Variants in RIT2 observed in about 807,000 individuals in gnomAD.
RIT2 encodes the protein GTP-binding protein Rit2.
A neutral mutation model predicts 23.7 loss-of-function variants in RIT2; 24 were observed. The observed-to-expected ratio is 1.01, with a 90% CI of 0.73 to 1.43. The LOEUF (loss-of-function observed/expected upper bound fraction) is 1.43. RIT2 is among the 40% of genes most tolerant of loss of function. RIT2 has a pLI of 0.00. For missense variants in RIT2, 236 were observed against 266.9 expected (o/e 0.88, Z 0.81); for synonymous variants, 107 against 91.1 (o/e 1.17, Z -0.99).
chr18:42,943,668 C>G (rs1909658096), intron 3 of RIT2, among the ~76,000 whole-genome samples: 1 of 151,870 alleles, frequency 6.6e-6, no homozygotes, highest in African/African-American at 2.4e-5. Context: ...ATTTTTTGCC[C>G]AGAAATAGGT....
chr18:42,819,686 A>G (rs1289386951), intron 4 of RIT2, among the ~76,000 whole-genome samples: 2 of 152,152 alleles, frequency 1.3e-5, no homozygotes, highest in Non-Finnish European at 2.9e-5. Flanking sequence ...CTTTACAAAC[A>G]TGTACAACTG....
intron 1 of RIT2, among the ~76,000 whole-genome samples, chr18:43,046,089 G>A (rs1912240520): frequency 6.6e-6 from 1 of 152,136 alleles, no homozygotes; most frequent in Non-Finnish European, 1.5e-5. Context: ...ATGCAAGATA[G>A]GCAGTCCTGA....
chr18:42,949,360 A>G (rs1014212508), intron 3 of RIT2, among the ~76,000 whole-genome samples: 30 of 152,118 alleles, frequency 2.0e-4, no homozygotes, highest in African/African-American at 7.2e-4. Context: ...ATACCATAGT[A>G]AATTATGTGT....
chr18:42,843,367 G>C (rs1208798041), intron 4 of RIT2, among the ~76,000 whole-genome samples: 4 of 152,126 alleles, frequency 2.6e-5, no homozygotes, highest in Non-Finnish European at 1.5e-5. Flanking sequence ...ATTTTCTCCT[G>C]TTTCCCTACT....
chr18:42,835,006 T>C (rs1251776390), intron 4 of RIT2, among the ~76,000 whole-genome samples: 1 of 152,110 alleles, frequency 6.6e-6, no homozygotes, highest in African/African-American at 2.4e-5. Context: ...GTCCTCACAT[T>C]ACCCTTTGAC....
intron 3 of RIT2, among the ~76,000 whole-genome samples, chr18:42,962,266 C>A (rs1481692812): frequency 1.3e-5 from 2 of 152,098 alleles, no homozygotes. Flanking sequence ...ATTAATGGAG[C>A]TTTTCTGTAT....
At chr18:42,825,541 T>C (rs1013819820) in intron 4 of RIT2, among the ~76,000 whole-genome samples, 21 of 151,992 alleles carry the variant, frequency 1.4e-4, no homozygotes, top group African/African-American at 5.1e-4. Flanking sequence ...ATTTGTAGAC[T>C]AAGTATTTTA....
At chr18:42,826,907 C>G (rs1906311205) in intron 4 of RIT2, among the ~76,000 whole-genome samples, 1 of 152,028 alleles carries the variant, frequency 6.6e-6, no homozygotes, top group Non-Finnish European at 1.5e-5. Flanking sequence ...CTAATAATAA[C>G]ATCTGTCTCT....
intron 3 of RIT2, among the ~76,000 whole-genome samples, chr18:42,969,895 A>G (rs1223269321): frequency 1.3e-5 from 2 of 152,056 alleles, no homozygotes; most frequent in Admixed American, 1.3e-4. Flanking sequence ...CTACCATAGT[A>G]TTTATTATAA....
intron 4 of RIT2, among the ~76,000 whole-genome samples, chr18:42,883,243 G>T (rs1907940587): frequency 6.6e-6 from 1 of 152,058 alleles, no homozygotes; most frequent in Non-Finnish European, 1.5e-5. Context: ...CACTACTAAG[G>T]CTAAGTTAGT....
chr18:43,074,135 T>G (rs1333574878), intron 1 of RIT2, among the ~76,000 whole-genome samples: 2 of 152,192 alleles, frequency 1.3e-5, no homozygotes, highest in African/African-American at 2.4e-5. Flanking sequence ...AATAATCTTT[T>G]GCTATTTAGG....
intron 3 of RIT2, among the ~76,000 whole-genome samples, chr18:42,941,681 A>C (rs1231001083): frequency 6.6e-6 from 1 of 152,142 alleles, no homozygotes; most frequent in Non-Finnish European, 1.5e-5. Flanking sequence ...TAATGTATTA[A>C]TATTTGCTTT....
chr18:42,786,258 C>T (rs888841531), intron 4 of RIT2, among the ~76,000 whole-genome samples: 5 of 152,076 alleles, frequency 3.3e-5, no homozygotes, highest in Non-Finnish European at 7.4e-5. Context: ...TTTTAACTTT[C>T]CTGTACACAA....
At chr18:42,786,708 G>A (rs986491160) in intron 4 of RIT2, among the ~76,000 whole-genome samples, 2 of 151,994 alleles carry the variant, frequency 1.3e-5, no homozygotes, top group Admixed American at 6.6e-5. Context: ...GTCACATAGA[G>A]CTCCTCATTT....
intron 2 of RIT2, among the ~76,000 whole-genome samples, chr18:43,026,576 G>GAAAGAAAGAAAGAAAGAAAGAAAT (rs1911726131): frequency 4.3e-5 from 1 of 23,392 alleles, no homozygotes; most frequent in African/African-American, 1.3e-4. Context: ...AAATAAATAA[G>GAAAGAAAGAAAGAAAGAAAGAAAT]AAAGAAAGAA....
chr18:43,088,933 GA>G (rs1327402726), intron 1 of RIT2, among the ~76,000 whole-genome samples: 6 of 151,986 alleles, frequency 3.9e-5, no homozygotes, highest in Non-Finnish European at 7.4e-5. Context: ...GATTATTTTG[GA>G]AAAATATAAA....
chr18:42,988,027 G>A (rs910441222), intron 2 of RIT2, among the ~76,000 whole-genome samples: 3 of 152,098 alleles, frequency 2.0e-5, no homozygotes, highest in Admixed American at 6.6e-5. Flanking sequence ...ATGATATTTG[G>A]AAGGGACAAA....
chr18:42,853,022 C>T (rs959848127), intron 4 of RIT2, among the ~76,000 whole-genome samples: 5 of 151,998 alleles, frequency 3.3e-5, no homozygotes, highest in Admixed American at 1.3e-4. Flanking sequence ...TTAGTAGAGA[C>T]GGGGTTTCAC....
intron 4 of RIT2, among the ~76,000 whole-genome samples, chr18:42,854,505 C>T (rs1907133691): frequency 6.6e-6 from 1 of 152,056 alleles, no homozygotes; most frequent in Admixed American, 6.6e-5. Context: ...CTTCCATACC[C>T]AGAATGCTCT....
Sources: allele counts gnomAD v4.1 joint callset (sites outside exome capture counted in the v4.1 genomes callset), GRCh38; gene constraint gnomAD v4.1.1; transcripts MANE v1.5; gene names NCBI Gene and HGNC (gene_info 2026-07-23, HGNC 2026-07-21).